Variants in ADAP2 observed in about 807,000 individuals in gnomAD.
ADAP2 encodes arf-GAP with dual PH domain-containing protein 2.
Under a neutral mutation model 54.9 loss-of-function variants are expected in ADAP2, and 42 were observed. That is an observed-to-expected ratio of 0.77 (90% CI 0.60 to 0.99). The LOEUF (loss-of-function observed/expected upper bound fraction) is 0.99, where lower values mean the gene tolerates loss of function less well. ADAP2 is among the 50% of genes least tolerant of loss of function. ADAP2 has a pLI of 0.00. For missense variants in ADAP2, 429 were observed against 480.4 expected (o/e 0.89, Z 1.00); for synonymous variants, 177 against 180.1 (o/e 0.98, Z 0.14).
intron 4 of ADAP2, 51 bp from the exon 5 acceptor site, chr17:30,934,134 T>C (rs1911696992): frequency 1.4e-6 from 2 of 1,452,668 alleles, no homozygotes; most frequent in African/African-American, 1.4e-5. Flanking sequence ...CTGAGCTGCT[T>C]GTGATCTTAA....
At chr17:30,944,457 C>T (rs191862088) in intron 5 of ADAP2, among the ~76,000 whole-genome samples, 10 of 152,052 alleles carry the variant, frequency 6.6e-5, no homozygotes, top group East Asian at 2.0e-4. Context: ...GCCAACATAG[C>T]GAAACTCTGT....
intron 7 of ADAP2, among the ~76,000 whole-genome samples, chr17:30,949,668 T>G (rs971277135): frequency 4.8e-5 from 7 of 146,452 alleles, no homozygotes; most frequent in East Asian, 2.0e-4. Context: ...AGAATGGTGT[T>G]AACCCGGGAG....
chr17:30,948,733 A>T (rs1246198158), intron 6 of ADAP2, among the ~76,000 whole-genome samples: 4 of 152,210 alleles, frequency 2.6e-5, no homozygotes, highest in Non-Finnish European at 5.9e-5. Context: ...GAAGGGGCCA[A>T]GCCAGCTTTG....
At chr17:30,956,680 C>A (rs989097169) in intron 10 of ADAP2, 2 of 591,220 alleles carry the variant, frequency 3.4e-6, no homozygotes, top group South Asian at 2.0e-5. Flanking sequence ...CCTAACCGAG[C>A]CCTTCCCCAG....
intron 5 of ADAP2, among the ~76,000 whole-genome samples, chr17:30,941,911 A>AT (rs796442209): frequency 6.1e-4 from 89 of 144,892 alleles, no homozygotes; most frequent in Middle Eastern, 3.5e-3. Context: ...AAATCAAACT[A>AT]TTTTTTTTTT....
intron 6 of ADAP2, among the ~76,000 whole-genome samples, chr17:30,945,519 A>T (rs961297849): frequency 6.6e-6 from 1 of 152,134 alleles, no homozygotes; most frequent in South Asian, 2.1e-4. Flanking sequence ...TGGGAAGCCA[A>T]GGCAGGTGGA....
intron 4 of ADAP2, among the ~76,000 whole-genome samples, chr17:30,933,106 T>TA (rs1055994583): frequency 2.6e-5 from 4 of 152,252 alleles, no homozygotes; most frequent in African/African-American, 9.6e-5. Flanking sequence ...ACCCAGACAG[T>TA]AAAGTATAAA....
At chr17:30,952,429 G>T (rs1268507606) in intron 7 of ADAP2, among the ~76,000 whole-genome samples, 1 of 152,180 alleles carries the variant, frequency 6.6e-6, no homozygotes, top group Non-Finnish European at 1.5e-5. Flanking sequence ...AGACTGGAGT[G>T]CAGTGGCACT....
Position 30,956,249 on chromosome 17 carries a change from C to A in ADAP2, c.891C>A (p.Phe297Leu), listed in dbSNP as rs547065779. The change falls in exon 10 of 11, where the codon TTC becomes TTA. Residue 297 changes from phenylalanine to leucine, a missense_variant. Physicochemically the swap from Phe to Leu is conservative, Grantham distance 22. Coordinates refer to ENST00000330889, the MANE Select transcript of ADAP2 (RefSeq NM_018404.3). The part of the protein sequence containing the change: ...LLYYKNPLDA[F>L]EQGQVFLGNK... The stretch of plus-strand genomic sequence containing the variant: ...GTACTCTCCATTTTCAGGATGCCTT[C>A]GAGCAGGGCCAGGTTTTTCTTGGGA... The A allele has an allele frequency of 6.2e-7, 1 of 1,614,092 alleles. No individual in the cohort carries two copies. The highest frequency in any genetic ancestry group is 1.1e-5 in the South Asian group (1 of 91,076).
Position 30,957,930 on chromosome 17 carries a change from G to T in ADAP2, c.*61G>T. 1 of 1,545,402 alleles carries T rather than the reference G, an allele frequency of 6.5e-7. No homozygotes were observed. Among genetic ancestry groups the T allele is most frequent in the Non-Finnish European group, 8.9e-7 (1 of 1,127,204 alleles). On this transcript the variant is annotated 3_prime_UTR_variant, in exon 11 of 11. Transcript: ENST00000330889. The stretch of plus-strand genomic sequence containing the variant: ...TGGAACTCCTTGTGGGAAGAAGTTT[G>T]CACCTCGGCCCTGGCTGCCCACCAT...
At chr17:30,938,182 C>T (rs1912023446) in intron 5 of ADAP2, among the ~76,000 whole-genome samples, 3 of 152,214 alleles carry the variant, frequency 2.0e-5, no homozygotes, top group Admixed American at 6.5e-5. Flanking sequence ...GAGGAGGCCT[C>T]GGCTGTTCTG....
rs557267606 is a variant in ADAP2 at position 30,954,927 on chromosome 17, G to A, written c.882+372G>A. 1.1e-4 allele frequency among the ~76,000 whole-genome samples: 17 copies of A among 152,228 alleles called. No individual in the cohort carries two copies. In the South Asian group the frequency reaches 3.5e-3, roughly 32 times the overall value. ...GGCTCTGGTCTCAGCCCTGCCACTT[G>A]TAGTAGTGTTGCCTTGAGCCGTGTA... On this transcript the variant is annotated intron_variant, in intron 9 of 10. Coordinates refer to ENST00000330889, the MANE Select transcript of ADAP2 (RefSeq NM_018404.3).
rs1442124050 is a variant in ADAP2, at chr17:30,944,183, CAA to C, written c.511-721_511-720del. On this transcript the variant is annotated intron_variant, in intron 5 of 10. Coordinates refer to ENST00000330889, the MANE Select transcript of ADAP2 (RefSeq NM_018404.3). ...CTCCAGCTGGGCAGCAAGAGCAAAA[CAA>C]AACAAAAATAAAAACAAAGAAAAGA... 4.6e-5 allele frequency among the ~76,000 whole-genome samples: 7 copies of C among 152,136 alleles called. No homozygotes were observed. In the South Asian group the frequency reaches 1.2e-3, roughly 27 times the overall value.
rs767021210 is a variant in ADAP2 at position 30,931,975 on chromosome 17, T to G, written c.397+7T>G. The G allele has an allele frequency of 1.9e-6, 3 of 1,612,766 alleles. No homozygotes were observed. The highest frequency in any genetic ancestry group is 2.5e-6 in the Non-Finnish European group (3 of 1,179,258). On this transcript the variant is annotated splice_region_variant and intron_variant, in intron 4 of 10. Transcript: ENST00000330889. ...GAAACCATCTCGCTCCCAGGTAAAG[T>G]TATTTCCATCACCTTTTGAAATCTA...
chr17:30,954,636 C>T (rs1904925045), intron 9 of ADAP2, 81 bp downstream of exon 9: 1 of 1,161,928 alleles, frequency 8.6e-7, no homozygotes, highest in Non-Finnish European at 1.3e-6. Flanking sequence ...GTGAAAGCTA[C>T]AGATAAACAC....
chr17:30,944,969 G>C lies in ADAP2; in HGVS notation c.573G>C (p.Lys191Asn). Residue 191 changes from lysine (K) to asparagine (N), a missense_variant, in exon 6 of 11, where the codon AAG becomes AAC. Coordinates refer to ENST00000330889, the MANE Select transcript of ADAP2 (RefSeq NM_018404.3). The stretch of plus-strand genomic sequence containing the variant: ...TGAATGCCACCTTCCAGACAGAGAA[G>C]ATAGGGCACCCCCATGGGCTGCAGA... The part of the protein sequence containing the change: ...KDLNATFQTE[K>N]IGHPHGLQIT... 2 of 1,614,104 alleles carry C rather than the reference G, an allele frequency of 1.2e-6. No homozygotes were observed. The highest frequency in any genetic ancestry group is 1.7e-6 in the Non-Finnish European group (2 of 1,180,024).
intron 1 of ADAP2, 66 bp from the exon 2 acceptor site, chr17:30,922,874 C>T: frequency 1.3e-6 from 2 of 1,573,602 alleles, no homozygotes; most frequent in South Asian, 2.3e-5. Context: ...CCCAGTGCCC[C>T]GAGCCCAGCC....
intron 2 of ADAP2, among the ~76,000 whole-genome samples, 153 bp downstream of exon 2, chr17:30,923,223 C>CA (rs1340886606): frequency 1.3e-5 from 2 of 151,282 alleles, no homozygotes; most frequent in East Asian, 3.9e-4. Context: ...GCAGCTTAGA[C>CA]AGAGGCCGAG....
intron 1 of ADAP2, among the ~76,000 whole-genome samples, chr17:30,922,612 G>A (rs1329875988): frequency 6.6e-6 from 1 of 151,580 alleles, no homozygotes; most frequent in Admixed American, 6.6e-5. Context: ...CGGGGACGCC[G>A]AGGGCCCCCT....
Sources: allele counts gnomAD v4.1 joint callset (sites outside exome capture counted in the v4.1 genomes callset), GRCh38; gene constraint gnomAD v4.1.1; transcripts MANE v1.5; gene names NCBI Gene and HGNC (gene_info 2026-07-23, HGNC 2026-07-21).